ATG5: variants seen among roughly 807,000 people sequenced by gnomAD.
The protein encoded by ATG5 is autophagy related 5.
In ATG5, 14 loss-of-function variants were observed where a neutral mutation model predicts 36.5. The ratio of observed to expected loss-of-function variants is 0.38; its 90% CI spans 0.25 to 0.60. The LOEUF (loss-of-function observed/expected upper bound fraction) is 0.60, where lower values mean the gene tolerates loss of function less well. Ranked by LOEUF, ATG5 falls within the 20% of genes least tolerant of loss-of-function variation. ATG5 has a pLI of 0.60. For synonymous variants in ATG5, 95 were observed against 101.5 expected (o/e 0.94, Z 0.38); for missense variants, 195 against 326.7 (o/e 0.60, Z 3.11).
chr6:106,264,937 T>C (rs866575685), intron 5 of ATG5, among the ~76,000 whole-genome samples: 9 of 151,868 alleles, frequency 5.9e-5, no homozygotes, highest in Non-Finnish European at 1.2e-4. Flanking sequence ...CATCAACTAA[T>C]GGGCAAAAAA....
At chr6:106,188,202 C>T (rs1775842618) in intron 7 of ATG5, among the ~76,000 whole-genome samples, 1 of 152,044 alleles carries the variant, frequency 6.6e-6, no homozygotes, top group Non-Finnish European at 1.5e-5. Flanking sequence ...ATGGAGAAAC[C>T]CTCAGCTATC....
At chr6:106,265,777 AAAG>A (rs1271056135) in intron 5 of ATG5, among the ~76,000 whole-genome samples, 1 of 152,224 alleles carries the variant, frequency 6.6e-6, no homozygotes, top group Non-Finnish European at 1.5e-5. Flanking sequence ...AGGCAGAAAT[AAAG>A]AAGTGCTTTG....
intron 1 of ATG5, among the ~76,000 whole-genome samples, chr6:106,319,077 T>C (rs963853029): frequency 5.9e-5 from 9 of 152,208 alleles, no homozygotes; most frequent in Admixed American, 5.2e-4. Flanking sequence ...AAGTAAGTCA[T>C]TTAACTTCTC....
chr6:106,207,734 G>C (rs1449499930), intron 6 of ATG5, among the ~76,000 whole-genome samples: 1 of 152,054 alleles, frequency 6.6e-6, no homozygotes, highest in Non-Finnish European at 1.5e-5. Context: ...ACTTAAATCA[G>C]GTTTGAGTCC....
chr6:106,191,766 G>T (rs767043615), intron 7 of ATG5, among the ~76,000 whole-genome samples: 11 of 151,996 alleles, frequency 7.2e-5, no homozygotes, highest in Non-Finnish European at 1.3e-4. Flanking sequence ...AAGTATGTGA[G>T]GACAGAAGAT....
chr6:106,217,199 A>C (rs1011099716), intron 6 of ATG5, among the ~76,000 whole-genome samples: 2 of 152,252 alleles, frequency 1.3e-5, no homozygotes, highest in African/African-American at 4.8e-5. Context: ...AAAAATTACA[A>C]GTTTTTTTCT....
chr6:106,196,619 G>A (rs1032989520), intron 7 of ATG5, among the ~76,000 whole-genome samples: 3 of 151,952 alleles, frequency 2.0e-5, no homozygotes, highest in Admixed American at 6.6e-5. Flanking sequence ...AGCTACTTGC[G>A]TGACCGAAGC....
chr6:106,260,976 C>T (rs951933661), intron 5 of ATG5, among the ~76,000 whole-genome samples: 3 of 152,100 alleles, frequency 2.0e-5, no homozygotes, highest in African/African-American at 7.2e-5. Context: ...GCATGTGACA[C>T]CTGGAAATGC....
chr6:106,279,490 A>G (rs965467610), intron 5 of ATG5, among the ~76,000 whole-genome samples, 171 bp downstream of exon 5: 1 of 152,210 alleles, frequency 6.6e-6, no homozygotes, highest in Admixed American at 6.5e-5. Flanking sequence ...GAGGACACCA[A>G]AAGAGCAGAA....
At chr6:106,186,949 C>T (rs1170915428) in intron 7 of ATG5, among the ~76,000 whole-genome samples, 6 of 152,088 alleles carry the variant, frequency 3.9e-5, no homozygotes, top group Non-Finnish European at 8.8e-5. Flanking sequence ...TTAAGATTGA[C>T]GTTAATGAAA....
chr6:106,189,853 T>TA (rs997033410), intron 7 of ATG5, among the ~76,000 whole-genome samples: 3 of 152,044 alleles, frequency 2.0e-5, no homozygotes, highest in Non-Finnish European at 4.4e-5. Flanking sequence ...CTCAGGTTTT[T>TA]AAAAAAAGCT....
At chr6:106,253,590 T>C (rs1001519536) in intron 5 of ATG5, among the ~76,000 whole-genome samples, 1 of 152,146 alleles carries the variant, frequency 6.6e-6, no homozygotes, top group African/African-American at 2.4e-5. Flanking sequence ...TAGACTGCAA[T>C]TACTTCTCTC....
chr6:106,291,050 TTGTC>T (rs1444095866), intron 4 of ATG5, among the ~76,000 whole-genome samples: 3 of 152,208 alleles, frequency 2.0e-5, no homozygotes, highest in Non-Finnish European at 2.9e-5. Context: ...CAACCACAGT[TTGTC>T]TGTCAATCAT....
At chr6:106,226,038 G>A (rs1777440387) in intron 6 of ATG5, among the ~76,000 whole-genome samples, 1 of 152,144 alleles carries the variant, frequency 6.6e-6, no homozygotes, top group African/African-American at 2.4e-5. Flanking sequence ...CTCACCTATG[G>A]GAAACCCTGA....
intron 7 of ATG5, among the ~76,000 whole-genome samples, chr6:106,188,240 A>G (rs894071356): frequency 2.6e-4 from 39 of 152,220 alleles, no homozygotes; most frequent in African/African-American, 9.4e-4. Flanking sequence ...TATAAGTTCC[A>G]GTTTGCTAAA....
chr6:106,212,165 T>C (rs540663573), intron 6 of ATG5, among the ~76,000 whole-genome samples: 2 of 152,356 alleles, frequency 1.3e-5, no homozygotes, highest in African/African-American at 2.4e-5. Flanking sequence ...ACTCTGGAAA[T>C]ATCAAGAAGT....
intron 3 of ATG5, among the ~76,000 whole-genome samples, chr6:106,295,110 T>C (rs1255341476): frequency 2.0e-5 from 3 of 151,990 alleles, no homozygotes; most frequent in African/African-American, 7.2e-5. Flanking sequence ...ATAGACAAGT[T>C]ATAGATTTAA....
chr6:106,296,279 A>G (rs2114638312), intron 3 of ATG5, among the ~76,000 whole-genome samples: 1 of 151,416 alleles, frequency 6.6e-6, no homozygotes, highest in South Asian at 2.1e-4. Context: ...GGACACTTTT[A>G]TAAATCTAAG....
intron 6 of ATG5, among the ~76,000 whole-genome samples, chr6:106,238,913 T>C (rs1004335571): frequency 2.0e-5 from 3 of 151,278 alleles, no homozygotes; most frequent in African/African-American, 4.9e-5. Context: ...TTTAAAAGCA[T>C]AAAAAAAAGT....
Sources: allele counts gnomAD v4.1 joint callset (sites outside exome capture counted in the v4.1 genomes callset), GRCh38; gene constraint gnomAD v4.1.1; transcripts MANE v1.5; gene names NCBI Gene and HGNC (gene_info 2026-07-23, HGNC 2026-07-21).